Variants in GLCE observed in about 807,000 individuals in gnomAD.
The protein encoded by GLCE is D-glucuronyl C5-epimerase.
A neutral mutation model predicts 47.9 loss-of-function variants in GLCE; 19 were observed. The observed-to-expected ratio is 0.40, with a 90% confidence interval of 0.28 to 0.58. The LOEUF (loss-of-function observed/expected upper bound fraction) is 0.58. Ranked by LOEUF, GLCE falls within the 20% of genes least tolerant of loss-of-function variation. The pLI is 0.48. For synonymous variants in GLCE, 245 were observed against 263.4 expected (o/e 0.93, Z 0.68); for missense variants, 556 against 743.3 (o/e 0.75, Z 2.93).
chr15:69,236,222 T>TGTAATAAATAAAA (rs373647038), intron 2 of GLCE, among the ~76,000 whole-genome samples: 6,848 of 152,254 alleles, frequency 0.045, 529 homozygotes, highest in African/African-American at 0.16. Flanking sequence ...ATTAATAAAC[T>TGTAATAAATAAAA]GCTGTAACCA....
chr15:69,258,631 G>A (rs759914104), intron 3 of GLCE, among the ~76,000 whole-genome samples: 2 of 151,994 alleles, frequency 1.3e-5, no homozygotes, highest in Non-Finnish European at 2.9e-5. Flanking sequence ...TTTATGGGGT[G>A]TATTAGATAT....
chr15:69,233,938 A>G (rs1485602090), intron 2 of GLCE, among the ~76,000 whole-genome samples: 1 of 151,702 alleles, frequency 6.6e-6, no homozygotes. Context: ...CATATGAAAT[A>G]TATGTGATGC....
At chr15:69,177,770 C>T (rs1027848308) in intron 1 of GLCE, among the ~76,000 whole-genome samples, 9 of 151,744 alleles carry the variant, frequency 5.9e-5, no homozygotes, top group African/African-American at 1.7e-4. Context: ...CACACTCCAC[C>T]CTCTCAAAGT....
At chr15:69,178,597 A>G (rs993059839) in intron 1 of GLCE, among the ~76,000 whole-genome samples, 1 of 152,118 alleles carries the variant, frequency 6.6e-6, no homozygotes, top group African/African-American at 2.4e-5. Context: ...ATTATTATTC[A>G]AATGCAAATT....
chr15:69,194,845 G>T (rs577556992), intron 1 of GLCE, among the ~76,000 whole-genome samples: 2 of 151,994 alleles, frequency 1.3e-5, no homozygotes, highest in African/African-American at 4.8e-5. Flanking sequence ...CATCTGCAAA[G>T]CACTTTTATA....
chr15:69,247,499 T>G (rs937850292), intron 2 of GLCE, among the ~76,000 whole-genome samples: 3 of 152,270 alleles, frequency 2.0e-5, no homozygotes, highest in Non-Finnish European at 4.4e-5. Context: ...CACTTTCTTT[T>G]CATTCATGTG....
At chr15:69,234,286 TA>T (rs1398171994) in intron 2 of GLCE, among the ~76,000 whole-genome samples, 4 of 152,150 alleles carry the variant, frequency 2.6e-5, no homozygotes, top group East Asian at 1.9e-4. Context: ...GCCAGAAGAT[TA>T]TTTTTTTTTA....
intron 1 of GLCE, among the ~76,000 whole-genome samples, chr15:69,199,572 T>G (rs2052046955): frequency 6.6e-6 from 1 of 152,192 alleles, no homozygotes; most frequent in African/African-American, 2.4e-5. Context: ...CTCATCCTCT[T>G]ATAAAATGTT....
intron 2 of GLCE, among the ~76,000 whole-genome samples, chr15:69,215,341 G>C (rs929809268): frequency 6.6e-6 from 1 of 152,032 alleles, no homozygotes; most frequent in Non-Finnish European, 1.5e-5. Flanking sequence ...AGCCTCTTAG[G>C]TCTGGCTTCT....
At chr15:69,248,426 T>C (rs375632879) in intron 2 of GLCE, among the ~76,000 whole-genome samples, 29 of 152,342 alleles carry the variant, frequency 1.9e-4, no homozygotes, top group African/African-American at 7.0e-4. Flanking sequence ...TGGATTACAA[T>C]TTCTGAATAC....
At chr15:69,216,248 A>T (rs2140382462) in intron 2 of GLCE, among the ~76,000 whole-genome samples, 1 of 152,254 alleles carries the variant, frequency 6.6e-6, no homozygotes, top group East Asian at 1.9e-4. Flanking sequence ...GTTACTCTAG[A>T]AAAATAAATT....
intron 2 of GLCE, among the ~76,000 whole-genome samples, chr15:69,234,942 C>T (rs1435318733): frequency 6.6e-6 from 1 of 151,950 alleles, no homozygotes; most frequent in Non-Finnish European, 1.5e-5. Context: ...ATAAAAATTA[C>T]AGAAGCTTAG....
intron 2 of GLCE, among the ~76,000 whole-genome samples, chr15:69,214,057 A>T (rs998037041): frequency 6.6e-6 from 1 of 151,666 alleles, no homozygotes; most frequent in Non-Finnish European, 1.5e-5. Flanking sequence ...ACTTTATGAG[A>T]TGCTTCAGGC....
intron 1 of GLCE, among the ~76,000 whole-genome samples, chr15:69,179,775 T>C (rs1344171513): frequency 2.0e-5 from 3 of 151,976 alleles, no homozygotes; most frequent in African/African-American, 7.3e-5. Flanking sequence ...ACTTGAGAGG[T>C]CAGGAGTTCA....
At chr15:69,190,995 C>T (rs954694636) in intron 1 of GLCE, among the ~76,000 whole-genome samples, 3 of 152,248 alleles carry the variant, frequency 2.0e-5, no homozygotes, top group African/African-American at 7.2e-5. Flanking sequence ...CGTGTTCCTA[C>T]ACATTATATT....
intron 2 of GLCE, among the ~76,000 whole-genome samples, chr15:69,255,359 C>T (rs111800175): frequency 6.6e-6 from 1 of 152,096 alleles, no homozygotes; most frequent in African/African-American, 2.4e-5. Flanking sequence ...CTCAGTGAAG[C>T]GTTTCAGATT....
Position 69,197,995 on chromosome 15 carries a change from G to A in GLCE, c.-104-12321G>A, listed in dbSNP as rs893849358. On this transcript the variant is annotated intron_variant, in intron 1 of 4. Coordinates refer to ENST00000261858, the MANE Select transcript of GLCE (RefSeq NM_015554.3). ...CCTTTAGTTTTCCAAAGTGACCATTGTATTTCTTTGATGCTTATAATTCAC... is the reference window on the plus strand; with the variant it reads ...CCTTTAGTTTTCCAAAGTGACCATTATATTTCTTTGATGCTTATAATTCAC... Among the ~76,000 whole-genome samples the A allele has an allele frequency of 2.0e-5, 3 of 152,150 alleles. No individual in the cohort carries two copies. The East Asian group carries it at 5.8e-4, about 29-fold the overall frequency.
At chr15:69,190,175 C>G (rs942474588) in intron 1 of GLCE, among the ~76,000 whole-genome samples, 4 of 151,958 alleles carry the variant, frequency 2.6e-5, no homozygotes, top group Non-Finnish European at 5.9e-5. Flanking sequence ...GCTTTGAAAT[C>G]CTTGAAACTT....
At chr15:69,226,425 T>C (rs2052448381) in intron 2 of GLCE, among the ~76,000 whole-genome samples, 2 of 152,190 alleles carry the variant, frequency 1.3e-5, no homozygotes, top group Admixed American at 1.3e-4. Context: ...CCTACAAGTG[T>C]ACAAATGTAG....
Sources: allele counts gnomAD v4.1 joint callset (sites outside exome capture counted in the v4.1 genomes callset), GRCh38; gene constraint gnomAD v4.1.1; transcripts MANE v1.5; gene names NCBI Gene and HGNC (gene_info 2026-07-23, HGNC 2026-07-21).